SNX14: variants seen among roughly 807,000 people sequenced by gnomAD.
SNX14 encodes the protein sorting nexin-14.
In SNX14, 93 loss-of-function variants were observed where a neutral mutation model predicts 133.8. The ratio of observed to expected loss-of-function variants is 0.70; its 90% CI spans 0.59 to 0.83. The LOEUF is 0.83. SNX14 is among the 40% of genes least tolerant of loss of function. SNX14 has a pLI of 0.00. For missense variants in SNX14, 945 were observed against 1,094.9 expected (o/e 0.86, Z 1.93); for synonymous variants, 368 against 365.6 (o/e 1.01, Z -0.07).
At chr6:85,557,042 G>A (rs1790026684) in intron 7 of SNX14, among the ~76,000 whole-genome samples, 1 of 152,150 alleles carries the variant, frequency 6.6e-6, no homozygotes, top group African/African-American at 2.4e-5. Flanking sequence ...TTTCACTGCT[G>A]TAGGACTACC....
Position 85,538,858 on chromosome 6 carries a change from G to A in SNX14, c.1455C>T (p.Ser485=), listed in dbSNP as rs766250395. The change falls in exon 16 of 29, where the codon AGC becomes AGT. Residue 485 remains serine, a synonymous_variant. Coordinates refer to ENST00000314673, the MANE Select transcript of SNX14 (RefSeq NM_153816.6). ...PTRNSKLNRG[S]LSLDDFRNTQ... ...CTTACCGAAAATCATCCAAACTTAGGCTACCTCTGCAATAACAGGTATGTG... is the reference window on the plus strand; with the variant it reads ...CTTACCGAAAATCATCCAAACTTAGACTACCTCTGCAATAACAGGTATGTG... The A allele has an allele frequency of 1.3e-6, 2 of 1,596,450 alleles. No individual in the cohort carries two copies. Among genetic ancestry groups the A allele is most frequent in the South Asian group, 1.1e-5 (1 of 87,836 alleles).
chr6:85,549,642 AT>A, intron 8 of SNX14, 80 bp downstream of exon 8: 1 of 1,240,320 alleles, frequency 8.1e-7, no homozygotes, highest in Non-Finnish European at 1.1e-6. Context: ...AAATTTTAGC[AT>A]ATGCCTATCA....
At chr6:85,563,248 A>G (rs1792384907) in intron 6 of SNX14, among the ~76,000 whole-genome samples, 1 of 152,202 alleles carries the variant, frequency 6.6e-6, no homozygotes, top group Admixed American at 6.5e-5. Flanking sequence ...GAGATATTAT[A>G]TATTAATAAA....
intron 19 of SNX14, among the ~76,000 whole-genome samples, chr6:85,529,674 A>G (rs1006012118): frequency 3.3e-5 from 5 of 152,198 alleles, no homozygotes; most frequent in Non-Finnish European, 5.9e-5. Flanking sequence ...CATCCTTATC[A>G]CAGGCTTTGC....
chr6:85,563,593 A>G (rs933640380), intron 6 of SNX14, among the ~76,000 whole-genome samples: 2 of 151,984 alleles, frequency 1.3e-5, no homozygotes, highest in African/African-American at 2.4e-5. Flanking sequence ...GAGTTTCACC[A>G]TGTTGGCCAG....
chr6:85,545,953 G>A (rs1175025263), intron 12 of SNX14, among the ~76,000 whole-genome samples: 1 of 152,210 alleles, frequency 6.6e-6, no homozygotes, highest in Non-Finnish European at 1.5e-5. Context: ...GAAGTGCTGG[G>A]ATTGTAAGCA....
chr6:85,526,757 C>T (rs1323848745), intron 20 of SNX14, among the ~76,000 whole-genome samples: 3 of 152,182 alleles, frequency 2.0e-5, no homozygotes, highest in Non-Finnish European at 4.4e-5. Flanking sequence ...TCTGTTCTTC[C>T]TGCAACACTG....
In SNX14 at chr6:85,572,149, T is replaced by C. The variant is rs767514109; in HGVS notation, c.405A>G (p.Ala135=). The C allele has an allele frequency of 2.4e-5, 39 of 1,613,034 alleles. No individual in the cohort carries two copies. Among genetic ancestry groups the C allele is most frequent in the Non-Finnish European group, 3.2e-5 (38 of 1,179,552 alleles). ...TTAAATCAGTTACCTCTGAGAGAGA[T>C]GCATCAACCTTGGAAGAAATTTTCA... ...LDLKISSKVD[A]SLSEVLELVL... is the part of the protein sequence containing the mutation. The change falls in exon 4 of 29, where the codon GCA becomes GCG. Residue 135 remains alanine (A), a synonymous_variant. Coordinates refer to ENST00000314673, the MANE Select transcript of SNX14 (RefSeq NM_153816.6).
chr6:85,550,296 A>G (rs1787272958), intron 7 of SNX14, among the ~76,000 whole-genome samples: 1 of 152,174 alleles, frequency 6.6e-6, no homozygotes, highest in East Asian at 1.9e-4. Flanking sequence ...TTTGCAATAA[A>G]TTGATAAATG....
Position 85,536,799 on chromosome 6 carries a change from T to G in SNX14, c.1601A>C (p.Asp534Ala), listed in dbSNP as rs774545117. ...TTGATACATTTTACTTACAAAATCA[T>G]CTTCACCTTCAGCTACACCATAATT... ...LPNYGVAEGE[D>A]DFIEEGIVVM... Residue 534 changes from aspartate (D) to alanine (A), a missense_variant, in exon 17 of 29, where the codon GAT becomes GCT. Around this residue, in one of 3 missense-constraint regions of SNX14, gnomAD observed 412 missense variants for 516.6 expected, o/e 0.80. Transcript: ENST00000314673. 1.2e-6 allele frequency: 2 copies of G among 1,607,994 alleles called. No individual in the cohort carries two copies. The highest frequency in any genetic ancestry group is 1.7e-6 in the Non-Finnish European group (2 of 1,177,916).
chr6:85,562,510 A>T (rs185528983), intron 6 of SNX14, among the ~76,000 whole-genome samples: 1 of 152,072 alleles, frequency 6.6e-6, no homozygotes, highest in Non-Finnish European at 1.5e-5. Context: ...ATCTTAGTAG[A>T]CATCAATTTT....
rs771568299 is a variant in SNX14 at position 85,526,248 on chromosome 6, C to CA, written c.1996-12dup. 2.9e-4 allele frequency: 445 copies of CA among 1,529,138 alleles called. No individual in the cohort carries two copies. In the East Asian group the frequency reaches 3.5e-3, roughly 12 times the overall value. 94.7% of individuals were successfully genotyped at this position (1,529,138 alleles called of 1,614,324 possible). On this transcript the variant is annotated splice_polypyrimidine_tract_variant and intron_variant, in intron 20 of 28. Transcript: ENST00000314673. ...ATGCTGCAGAAGTTTCTTGAATGAA[C>CA]AAAAAAAACGGAAAACACAGTTTAG... is the stretch of plus-strand genomic sequence containing the variant.
At chr6:85,506,451 G>A (rs1257441927) in intron 28 of SNX14, among the ~76,000 whole-genome samples, 1 of 151,958 alleles carries the variant, frequency 6.6e-6, no homozygotes, top group African/African-American at 2.4e-5. Context: ...CGAGTAGGTG[G>A]GATTACAGGC....
At position 85,528,258 on chromosome 6, in the gene SNX14, AT is replaced by A; in HGVS notation, c.1995+3del. On this transcript the variant is annotated splice_donor_region_variant and intron_variant, in intron 20 of 28. Transcript: ENST00000314673. ...ATTTGGAATTAATACAGTTGATGTT[AT>A]ACCTGTAGATATTCTTGGAACTCTT... The A allele has an allele frequency of 6.3e-7, 1 of 1,580,626 alleles. No homozygotes were observed. Among genetic ancestry groups the A allele is most frequent in the Non-Finnish European group, 8.7e-7 (1 of 1,150,662 alleles).
intron 7 of SNX14, among the ~76,000 whole-genome samples, chr6:85,551,987 G>C (rs1787961465): frequency 6.6e-6 from 1 of 151,148 alleles, no homozygotes; most frequent in African/African-American, 2.4e-5. Flanking sequence ...TTCCCTTTCT[G>C]CATTCTGTGC....
chr6:85,507,720 A>T (rs572182024), intron 27 of SNX14, among the ~76,000 whole-genome samples: 16 of 152,268 alleles, frequency 1.1e-4, no homozygotes, highest in African/African-American at 3.4e-4. Flanking sequence ...GTATTTCATG[A>T]ATTTTCTATG....
At chr6:85,514,713 G>T in intron 23 of SNX14, 84 bp from the exon 24 acceptor site, 1 of 1,364,502 alleles carries the variant, frequency 7.3e-7, no homozygotes, top group Non-Finnish European at 1.0e-6. Context: ...GTGTCACACA[G>T]CAAAGGCATT....
intron 7 of SNX14, among the ~76,000 whole-genome samples, chr6:85,554,706 C>T (rs977694444): frequency 1.3e-5 from 2 of 152,066 alleles, no homozygotes; most frequent in South Asian, 2.1e-4. Flanking sequence ...TTTAGGGTGA[C>T]TTTATAATTG....
chr6:85,527,100 TA>T (rs1019841955), intron 20 of SNX14, among the ~76,000 whole-genome samples: 1 of 152,064 alleles, frequency 6.6e-6, no homozygotes, highest in Non-Finnish European at 1.5e-5. Flanking sequence ...AAAAGACTTT[TA>T]AAAGCCAAAA....
Sources: allele counts gnomAD v4.1 joint callset (sites outside exome capture counted in the v4.1 genomes callset), GRCh38; gene constraint gnomAD v4.1.1; regional missense constraint gnomAD v4.1.1; transcripts MANE v1.5; gene names NCBI Gene and HGNC (gene_info 2026-07-23, HGNC 2026-07-21).